ZFHX3: variants seen among roughly 807,000 people sequenced by gnomAD.
The protein encoded by ZFHX3 is zinc finger homeobox 3, also known as zinc finger homeobox protein 3.
A neutral mutation model predicts 279.1 loss-of-function variants in ZFHX3; 42 were observed. The ratio of observed to expected loss-of-function variants is 0.15; its 90% CI spans 0.12 to 0.19. ZFHX3 has a LOEUF of 0.19. ZFHX3 is among the 10% of genes least tolerant of loss of function. ZFHX3 has a pLI of 1.00. For missense variants in ZFHX3, 4,981 were observed against 4,754.0 expected, an observed-to-expected ratio of 1.05 and a Z score of -1.40; for synonymous variants, 2,293 against 1,957.8, an observed-to-expected ratio of 1.17 and a Z score of -4.52.
chr16:73,011,052 G>A (rs1293740244), intron 1 of ZFHX3, among the ~76,000 whole-genome samples: 1 of 152,054 alleles, frequency 6.6e-6, no homozygotes, highest in African/African-American at 2.4e-5. Flanking sequence ...CGTGATCTTG[G>A]CTCACTGCAA....
intron 7 of ZFHX3, among the ~76,000 whole-genome samples, chr16:73,123,931 T>C (rs751608256): frequency 9.9e-5 from 15 of 152,172 alleles, no homozygotes; most frequent in Non-Finnish European, 1.9e-4. Context: ...ACATTGATCT[T>C]GGACTTCTCA....
At chr16:73,866,008 T>C (rs548880960) in intron 1 of ZFHX3, among the ~76,000 whole-genome samples, 16 of 151,436 alleles carry the variant, frequency 1.1e-4, no homozygotes, top group African/African-American at 2.2e-4. Context: ...CAAAACAAAA[T>C]AAAACAAAAC....
chr16:72,924,437 T>C (rs561911639), intron 3 of ZFHX3, among the ~76,000 whole-genome samples: 2 of 152,234 alleles, frequency 1.3e-5, no homozygotes, highest in Non-Finnish European at 2.9e-5. Context: ...GCTCCTGTTA[T>C]ACACCTGCCT....
chr16:73,295,878 C>T (rs72797384), intron 4 of ZFHX3, among the ~76,000 whole-genome samples: 10,868 of 152,274 alleles, frequency 0.071, 508 homozygotes, highest in South Asian at 0.21. Context: ...CAGGCACCTC[C>T]TCTGCAGGAA....
chr16:73,479,304 C>T (rs1363844405), intron 2 of ZFHX3, among the ~76,000 whole-genome samples: 2 of 152,212 alleles, frequency 1.3e-5, no homozygotes. Context: ...AACAATTACA[C>T]ATTGCTGAAG....
At chr16:73,174,495 C>G (rs959807790) in intron 5 of ZFHX3, among the ~76,000 whole-genome samples, 24 of 152,114 alleles carry the variant, frequency 1.6e-4, no homozygotes, top group African/African-American at 4.8e-4. Flanking sequence ...TTTGAGTTCA[C>G]GTGTTTTCTT....
intron 3 of ZFHX3, among the ~76,000 whole-genome samples, chr16:73,392,571 G>A (rs2017040375): frequency 6.6e-6 from 1 of 151,924 alleles, no homozygotes; most frequent in African/African-American, 2.4e-5. Flanking sequence ...GGGGATTTTG[G>A]GGGAGAAATT....
At chr16:73,175,816 A>G (rs1280565790) in intron 5 of ZFHX3, among the ~76,000 whole-genome samples, 2 of 152,124 alleles carry the variant, frequency 1.3e-5, no homozygotes, top group Non-Finnish European at 2.9e-5. Context: ...TTGAACCCCC[A>G]TTCCCATTAT....
intron 7 of ZFHX3, among the ~76,000 whole-genome samples, chr16:72,801,585 G>A (rs1266691990): frequency 6.6e-6 from 1 of 152,132 alleles, no homozygotes; most frequent in South Asian, 2.1e-4. Flanking sequence ...GTAAGCAACA[G>A]GTACCATGGA....
rs562490068 is a variant in ZFHX3, at chr16:73,283,465, G to A, written c.-1193-26329C>T. On this transcript the variant is annotated intron_variant, in intron 4 of 17. Coordinates refer to the ZFHX3 transcript ENST00000641206. ...GTCTGTATATAAGAACGTGAAGGTT[G>A]GAATCTGATACTGGCTTCATCCTGC... Among the ~76,000 whole-genome samples the A allele has an allele frequency of 4.6e-5, 7 of 152,256 alleles. No homozygotes were observed. In the South Asian group the frequency reaches 1.5e-3, roughly 32 times the overall value.
intron 5 of ZFHX3, among the ~76,000 whole-genome samples, chr16:72,819,538 A>G (rs1379352020): frequency 1.3e-5 from 2 of 152,206 alleles, no homozygotes; most frequent in African/African-American, 4.8e-5. Flanking sequence ...TAAGTTCCCA[A>G]GTAATGCTGA....
At chr16:73,642,565 T>C (rs1222024715) in intron 2 of ZFHX3, among the ~76,000 whole-genome samples, 10 of 152,112 alleles carry the variant, frequency 6.6e-5, no homozygotes, top group Admixed American at 6.5e-4. Context: ...TATTTACATA[T>C]ACCAAAATAT....
In ZFHX3 at chr16:73,581,012, T is replaced by G. The variant is rs2051855628; in HGVS notation, c.-1547+99168A>C. On this transcript the variant is annotated intron_variant, in intron 2 of 17. Transcript: ENST00000641206. Reference sequence around the variant, plus strand: ...GGAATGGTATTTAGAGATCACAGTCTGGACACAAGGTGTGTTCATTACTTT... The same window carrying G: ...GGAATGGTATTTAGAGATCACAGTCGGGACACAAGGTGTGTTCATTACTTT... Among the ~76,000 whole-genome samples, 6 of 152,018 alleles carry G rather than the reference T, an allele frequency of 3.9e-5. No homozygotes were observed. The South Asian group carries it at 1.2e-3, about 31-fold the overall frequency.
chr16:72,934,586 C>T (rs948129871), intron 3 of ZFHX3, among the ~76,000 whole-genome samples: 3 of 152,194 alleles, frequency 2.0e-5, no homozygotes, highest in African/African-American at 7.2e-5. Flanking sequence ...CTCTTTAAAT[C>T]TTGCTCAAAC....
chr16:73,859,450 A>G (rs1961824817), intron 1 of ZFHX3, among the ~76,000 whole-genome samples: 1 of 152,156 alleles, frequency 6.6e-6, no homozygotes, highest in Non-Finnish European at 1.5e-5. Flanking sequence ...AGGGGAAGAG[A>G]TTCAAATGGA....
intron 3 of ZFHX3, among the ~76,000 whole-genome samples, chr16:73,419,118 C>T (rs1056912404): frequency 6.6e-6 from 1 of 152,198 alleles, no homozygotes; most frequent in Non-Finnish European, 1.5e-5. Context: ...ACCTTGTAAA[C>T]GTAGGCTTTC....
intron 5 of ZFHX3, among the ~76,000 whole-genome samples, chr16:73,216,581 A>G (rs2012216485): frequency 6.6e-6 from 1 of 152,196 alleles, no homozygotes; most frequent in South Asian, 2.1e-4. Flanking sequence ...CAATGATTAC[A>G]GCCTGCCTGA....
chr16:73,201,018 G>C (rs566076368), intron 5 of ZFHX3, among the ~76,000 whole-genome samples: 1 of 152,140 alleles, frequency 6.6e-6, no homozygotes, highest in Non-Finnish European at 1.5e-5. Flanking sequence ...CTTTTATGGG[G>C]AAGCACCTTT....
At chr16:73,634,941 T>C (rs2052514650) in intron 2 of ZFHX3, among the ~76,000 whole-genome samples, 1 of 152,088 alleles carries the variant, frequency 6.6e-6, no homozygotes, top group Admixed American at 6.6e-5. Flanking sequence ...AGTAAAAAAG[T>C]GAAAGTACAG....
Sources: gnomAD v4.1 joint callset for allele counts (sites outside exome capture counted in the v4.1 genomes callset) on GRCh38, gnomAD v4.1.1 for gene constraint, MANE v1.5 for transcripts, NCBI Gene and HGNC (gene_info 2026-07-23, HGNC 2026-07-21) for gene names.